The following RSPO2 variants were observed in gnomAD, a reference collection of about 807,000 sequenced individuals.
RSPO2 encodes the protein R-spondin 2.
In RSPO2, 14 loss-of-function variants were observed where a neutral mutation model predicts 30.9. That is an observed-to-expected ratio of 0.45 (90% confidence interval 0.30 to 0.71). The LOEUF (loss-of-function observed/expected upper bound fraction) is 0.71, where lower values mean the gene tolerates loss of function less well. Among genes scored for constraint, RSPO2 ranks in the 30% least tolerant of loss-of-function variants. The pLI is 0.08. For synonymous variants in RSPO2, 107 were observed against 96.4 expected (o/e 1.11, Z -0.64); for missense variants, 264 against 301.9 (o/e 0.87, Z 0.93).
intron 2 of RSPO2, among the ~76,000 whole-genome samples, chr8:108,074,487 A>C (rs567649610): frequency 5.4e-4 from 82 of 152,328 alleles, no homozygotes; most frequent in Non-Finnish European, 1.0e-3. Flanking sequence ...ATATTCAAAA[A>C]TAATTTTAAA....
chr8:108,054,573 G>T (rs967473308), intron 2 of RSPO2, among the ~76,000 whole-genome samples: 1 of 152,158 alleles, frequency 6.6e-6, no homozygotes, highest in African/African-American at 2.4e-5. Context: ...GCCCCAAGAG[G>T]CAAAAGAAAA....
At chr8:108,051,907 G>A (rs1455792785) in intron 2 of RSPO2, among the ~76,000 whole-genome samples, 1 of 152,156 alleles carries the variant, frequency 6.6e-6, no homozygotes, top group African/African-American at 2.4e-5. Flanking sequence ...TGGGTTGGAG[G>A]GTGGTGGAGG....
chr8:107,923,400 T>G (rs924686956), intron 5 of RSPO2, among the ~76,000 whole-genome samples: 2 of 152,162 alleles, frequency 1.3e-5, no homozygotes, highest in African/African-American at 4.8e-5. Flanking sequence ...TGGCTTTTAC[T>G]AAAAGGTCAA....
At chr8:107,907,338 T>C (rs1811680697) in intron 5 of RSPO2, among the ~76,000 whole-genome samples, 1 of 152,028 alleles carries the variant, frequency 6.6e-6, no homozygotes, top group South Asian at 2.1e-4. Context: ...ATTTTACAGA[T>C]AGCTGTGTTT....
chr8:108,059,298 T>C (rs1455876001), intron 2 of RSPO2, among the ~76,000 whole-genome samples: 1 of 151,540 alleles, frequency 6.6e-6, no homozygotes, highest in African/African-American at 2.4e-5. Flanking sequence ...AAAACCACAA[T>C]GAGATACCAT....
chr8:107,930,680 C>G (rs1363524073), intron 5 of RSPO2, among the ~76,000 whole-genome samples: 1 of 152,170 alleles, frequency 6.6e-6, no homozygotes, highest in African/African-American at 2.4e-5. Context: ...CTAAATCAAT[C>G]ATCTAACTCA....
intron 2 of RSPO2, among the ~76,000 whole-genome samples, chr8:108,056,623 C>CAAAAAAAAAAAAAAAAAAAAAA (rs56256415): frequency 4.2e-5 from 3 of 71,844 alleles, no homozygotes; most frequent in African/African-American, 1.9e-4. Flanking sequence ...AGACCCGTCT[C>CAAAAAAAAAAAAAAAAAAAAAA]AAAAAAAAAA....
At chr8:107,971,957 T>C (rs765638884) in intron 3 of RSPO2, among the ~76,000 whole-genome samples, 6 of 152,190 alleles carry the variant, frequency 3.9e-5, no homozygotes, top group Non-Finnish European at 7.3e-5. Context: ...ATACCTATGA[T>C]AGTTCTTCCC....
At chr8:107,998,208 A>G (rs190998615) in intron 2 of RSPO2, among the ~76,000 whole-genome samples, 1 of 151,996 alleles carries the variant, frequency 6.6e-6, no homozygotes, top group Non-Finnish European at 1.5e-5. Context: ...AAAAAAAAAA[A>G]CCCATAGAAG....
intron 2 of RSPO2, among the ~76,000 whole-genome samples, chr8:108,077,528 G>A (rs1408303034): frequency 2.0e-5 from 3 of 151,966 alleles, no homozygotes; most frequent in South Asian, 2.1e-4. Flanking sequence ...TCATCTTGTC[G>A]AAGAGAAAGA....
intron 5 of RSPO2, among the ~76,000 whole-genome samples, chr8:107,948,278 G>A (rs1372996729): frequency 2.6e-5 from 4 of 152,116 alleles, no homozygotes; most frequent in African/African-American, 9.7e-5. Flanking sequence ...TTGATTCAAT[G>A]GACCTAAAGA....
At chr8:107,911,669 A>C (rs975288130) in intron 5 of RSPO2, among the ~76,000 whole-genome samples, 1 of 152,218 alleles carries the variant, frequency 6.6e-6, no homozygotes, top group Non-Finnish European at 1.5e-5. Context: ...AGCAACTCGC[A>C]AAGCAAGCAT....
chr8:107,941,546 G>A (rs1445450405), intron 5 of RSPO2, among the ~76,000 whole-genome samples: 2 of 152,106 alleles, frequency 1.3e-5, no homozygotes, highest in African/African-American at 4.8e-5. Flanking sequence ...CCCCCGGCTA[G>A]ATATTTACTT....
At chr8:108,056,280 G>A (rs1481795297) in intron 2 of RSPO2, among the ~76,000 whole-genome samples, 4 of 152,066 alleles carry the variant, frequency 2.6e-5, no homozygotes, top group Admixed American at 2.6e-4. Flanking sequence ...TAATAAGTAT[G>A]TGTGTTCTTT....
At chr8:108,076,693 C>T (rs1813023457) in intron 2 of RSPO2, among the ~76,000 whole-genome samples, 1 of 151,636 alleles carries the variant, frequency 6.6e-6, no homozygotes, top group African/African-American at 2.4e-5. Context: ...TTTGAGTATG[C>T]ATGGAATATC....
chr8:108,029,054 C>CTTTTTTTTTTTTTTTTTTT (rs71308771), intron 2 of RSPO2, among the ~76,000 whole-genome samples: 1 of 26,170 alleles, frequency 3.8e-5, no homozygotes, highest in Non-Finnish European at 1.1e-4. Flanking sequence ...TAACATGAGT[C>CTTTTTTTTTTTTTTTTTTT]TTTTTTTTTT....
chr8:108,061,205 G>A (rs1351286201), intron 2 of RSPO2, among the ~76,000 whole-genome samples: 2 of 151,748 alleles, frequency 1.3e-5, no homozygotes, highest in Admixed American at 1.3e-4. Context: ...AAATGTAAAT[G>A]GGCTATATGC....
At chr8:108,065,319 G>A (rs898706962) in intron 2 of RSPO2, among the ~76,000 whole-genome samples, 11 of 146,786 alleles carry the variant, frequency 7.5e-5, no homozygotes, top group Admixed American at 6.8e-5. Context: ...AGAGTACTAC[G>A]AAGGCACTTT....
chr8:107,928,330 G>C (rs1812449369), intron 5 of RSPO2, among the ~76,000 whole-genome samples: 1 of 152,118 alleles, frequency 6.6e-6, no homozygotes, highest in Admixed American at 6.5e-5. Context: ...GACAAAGTTT[G>C]AATAATTAGC....
Sources: gnomAD v4.1 joint callset for allele counts (sites outside exome capture counted in the v4.1 genomes callset) on GRCh38, gnomAD v4.1.1 for gene constraint, MANE v1.5 for transcripts, NCBI Gene and HGNC (gene_info 2026-07-23, HGNC 2026-07-21) for gene names.